Variants in POLR3B observed in about 807,000 individuals in gnomAD.
POLR3B encodes the protein DNA-directed RNA polymerase III subunit RPC2.
POLR3B carries 96 observed loss-of-function variants against 147.4 expected under a neutral mutation model. The ratio of observed to expected loss-of-function variants is 0.65; its 90% confidence interval spans 0.55 to 0.77. POLR3B has a LOEUF of 0.77. Among genes scored for constraint, POLR3B ranks in the 30% least tolerant of loss-of-function variants. The pLI is 0.00. For synonymous variants in POLR3B, 461 were observed against 485.9 expected (o/e 0.95, Z 0.67); for missense variants, 1,036 against 1,413.5 (o/e 0.73, Z 4.28).
At chr12:106,391,140 A>C (rs1014049684) in intron 9 of POLR3B, among the ~76,000 whole-genome samples, 6 of 152,158 alleles carry the variant, frequency 3.9e-5, no homozygotes, top group Non-Finnish European at 5.9e-5. Context: ...TTCCAGGATA[A>C]CTCACCCCCA....
At chr12:106,423,980 C>T (rs2037404454) in intron 12 of POLR3B, among the ~76,000 whole-genome samples, 1 of 152,020 alleles carries the variant, frequency 6.6e-6, no homozygotes, top group South Asian at 2.1e-4. Context: ...CCTCAGCCTC[C>T]TGAGTAGCTG....
chr12:106,438,319 C>T (rs548979770), intron 18 of POLR3B, among the ~76,000 whole-genome samples: 12 of 152,058 alleles, frequency 7.9e-5, no homozygotes, highest in East Asian at 1.9e-4. Flanking sequence ...CAGAGCATAA[C>T]GCATCATTTA....
chr12:106,410,082 A>T (rs1351988853), intron 11 of POLR3B, among the ~76,000 whole-genome samples: 1 of 152,244 alleles, frequency 6.6e-6, no homozygotes, highest in Non-Finnish European at 1.5e-5. Context: ...GCCAGACAGC[A>T]TGTTAGTACA....
chr12:106,379,692 A>G (rs2036733549), intron 8 of POLR3B, among the ~76,000 whole-genome samples: 1 of 152,214 alleles, frequency 6.6e-6, no homozygotes, highest in Admixed American at 6.5e-5. Flanking sequence ...TTTAAGGCCC[A>G]TATATAAAAT....
intron 2 of POLR3B, 120 bp from the exon 3 acceptor site, chr12:106,366,396 T>C: frequency 1.4e-6 from 1 of 703,736 alleles, no homozygotes; most frequent in Non-Finnish European, 2.6e-6. Context: ...ATTTTGATTT[T>C]GATAAAAATT....
intron 12 of POLR3B, among the ~76,000 whole-genome samples, chr12:106,420,710 T>G (rs908368381): frequency 3.9e-5 from 6 of 152,236 alleles, no homozygotes; most frequent in African/African-American, 1.4e-4. Flanking sequence ...TTGGCTTCCA[T>G]AATCACTGTT....
intron 10 of POLR3B, among the ~76,000 whole-genome samples, chr12:106,398,602 C>A (rs1337174738): frequency 6.6e-6 from 1 of 152,182 alleles, no homozygotes; most frequent in East Asian, 1.9e-4. Flanking sequence ...CGGACTGACA[C>A]CTCACACGGC....
At chr12:106,427,463 C>A in intron 13 of POLR3B, 105 bp downstream of exon 13, 1 of 1,039,232 alleles carries the variant, frequency 9.6e-7, no homozygotes, top group African/African-American at 1.6e-5. Flanking sequence ...ATATATATAT[C>A]AAAACGAATG....
intron 10 of POLR3B, among the ~76,000 whole-genome samples, chr12:106,401,256 C>T (rs1017246820): frequency 6.6e-6 from 1 of 152,154 alleles, no homozygotes; most frequent in Middle Eastern, 3.2e-3. Flanking sequence ...TACATACATC[C>T]TCCCAAGACT....
intron 12 of POLR3B, among the ~76,000 whole-genome samples, chr12:106,417,198 A>G (rs2037316022): frequency 3.3e-5 from 5 of 152,216 alleles, no homozygotes; most frequent in Admixed American, 3.3e-4. Context: ...TTGAATAAGG[A>G]GAAGTTGCTC....
intron 23 of POLR3B, among the ~76,000 whole-genome samples, chr12:106,481,343 T>G (rs911840364): frequency 1.3e-5 from 2 of 152,188 alleles, no homozygotes; most frequent in African/African-American, 4.8e-5. Context: ...TGAGAAGGGA[T>G]CAGAGTCTGG....
At chr12:106,500,355 T>C in intron 25 of POLR3B, among the ~76,000 whole-genome samples, 1 of 152,248 alleles carries the variant, frequency 6.6e-6, no homozygotes. Flanking sequence ...GAAGCAGTTA[T>C]GTAATAGACA....
chr12:106,437,332 G>C (rs1228912182), intron 17 of POLR3B, among the ~76,000 whole-genome samples: 3 of 152,176 alleles, frequency 2.0e-5, no homozygotes, highest in Non-Finnish European at 4.4e-5. Context: ...TAGTCTTGAT[G>C]TCAGTTAGTA....
intron 9 of POLR3B, among the ~76,000 whole-genome samples, chr12:106,386,352 A>AAG (rs1218947508): frequency 4.6e-5 from 7 of 151,972 alleles, no homozygotes; most frequent in African/African-American, 1.7e-4. Flanking sequence ...CAAAAAAAAA[A>AAG]AAAAAGAAAA....
At chr12:106,465,539 C>T (rs140176699) in intron 23 of POLR3B, among the ~76,000 whole-genome samples, 156 of 152,220 alleles carry the variant, frequency 1.0e-3, no homozygotes, top group African/African-American at 3.6e-3. Context: ...TAGGTATACA[C>T]GTGCCGTGGT....
chr12:106,406,082 A>G, intron 11 of POLR3B, 106 bp downstream of exon 11: 7 of 1,246,770 alleles, frequency 5.6e-6, no homozygotes, highest in Non-Finnish European at 8.1e-6. Flanking sequence ...TCCTCAAGAG[A>G]AAATTCTAAA....
chr12:106,435,117 T>C (rs1261571173), intron 16 of POLR3B, among the ~76,000 whole-genome samples: 6 of 148,980 alleles, frequency 4.0e-5, no homozygotes, highest in Non-Finnish European at 8.9e-5. Context: ...TTGATTCTTA[T>C]CCTTCCATTA....
At chr12:106,503,698 T>G (rs1301990554) in intron 26 of POLR3B, among the ~76,000 whole-genome samples, 1 of 152,230 alleles carries the variant, frequency 6.6e-6, no homozygotes, top group African/African-American at 2.4e-5. Context: ...TGAGACTCTT[T>G]GAAAATACTT....
intron 1 of POLR3B, among the ~76,000 whole-genome samples, chr12:106,358,473 C>T (rs1465741499): frequency 2.0e-5 from 3 of 152,148 alleles, no homozygotes; most frequent in Non-Finnish European, 4.4e-5. Context: ...TGTGTGTTTT[C>T]TGGGGGAGAG....
Sources: allele counts gnomAD v4.1 joint callset (sites outside exome capture counted in the v4.1 genomes callset), GRCh38; gene constraint gnomAD v4.1.1; transcripts MANE v1.5; gene names NCBI Gene and HGNC (gene_info 2026-07-23, HGNC 2026-07-21).